Variants in PRKAR2A observed in about 807,000 individuals in gnomAD.
The protein encoded by PRKAR2A is protein kinase cAMP-dependent type II regulatory subunit alpha.
PRKAR2A carries 29 observed loss-of-function variants against 51.9 expected under a neutral mutation model. That is an observed-to-expected ratio of 0.56 (90% confidence interval 0.42 to 0.76). PRKAR2A has a LOEUF of 0.76. PRKAR2A is among the 30% of genes least tolerant of loss of function. PRKAR2A has a pLI of 0.00. For synonymous variants in PRKAR2A, 178 were observed against 186.2 expected (o/e 0.96, Z 0.36); for missense variants, 445 against 512.1 (o/e 0.87, Z 1.26).
downstream of PRKAR2A, among the ~76,000 whole-genome samples, chr3:48,745,686 G>A (rs969391444): frequency 2.6e-5 from 4 of 151,790 alleles, no homozygotes; most frequent in Non-Finnish European, 5.9e-5. Context: ...TTATAGGAAT[G>A]TGCCACCATA....
At chr3:48,782,363 A>G (rs898283330) in intron 5 of PRKAR2A, among the ~76,000 whole-genome samples, 1 of 152,192 alleles carries the variant, frequency 6.6e-6, no homozygotes, top group African/African-American at 2.4e-5. Context: ...TCAAGGAATC[A>G]ATTCACTTGA....
chr3:48,773,326 G>C lies in PRKAR2A; in HGVS notation c.543-218C>G, dbSNP rs546149549. Among the ~76,000 whole-genome samples the C allele has an allele frequency of 1.7e-3, 252 of 147,698 alleles. 9 individuals carry two copies. The South Asian group carries it at 0.053, about 31-fold the overall frequency. ...CTAGTAGCCTTTTTGTGGCATTCTT[G>C]GAATTTTCTTTTCTTTTTTTTTTTT... On this transcript the variant is annotated intron_variant, in intron 5 of 10. Coordinates refer to ENST00000265563, the MANE Select transcript of PRKAR2A (RefSeq NM_004157.4).
At chr3:48,795,400 C>T (rs570668797) in intron 2 of PRKAR2A, among the ~76,000 whole-genome samples, 23 of 152,196 alleles carry the variant, frequency 1.5e-4, no homozygotes, top group Middle Eastern at 3.4e-3. Context: ...ACCCATATAT[C>T]GGGGTGATAA....
chr3:48,757,880 GC>G (rs200966332), intron 8 of PRKAR2A, among the ~76,000 whole-genome samples: 2,476 of 151,926 alleles, frequency 0.016, 66 homozygotes, highest in African/African-American at 0.055. Flanking sequence ...ACATGGTGAA[GC>G]CCCATCTCTA....
At chr3:48,817,599 G>T (rs1414387078) in intron 1 of PRKAR2A, among the ~76,000 whole-genome samples, 2 of 151,166 alleles carry the variant, frequency 1.3e-5, no homozygotes, top group Non-Finnish European at 2.9e-5. Context: ...GTGAGCCAAG[G>T]TCGCACCATT....
At chr3:48,797,913 T>G (rs927218221) in intron 2 of PRKAR2A, among the ~76,000 whole-genome samples, 2 of 152,162 alleles carry the variant, frequency 1.3e-5, no homozygotes, top group African/African-American at 4.8e-5. Context: ...TCTTCCCTAA[T>G]GATTAAGGCA....
intron 9 of PRKAR2A, 84 bp downstream of exon 9, chr3:48,756,295 G>T: frequency 1.7e-6 from 2 of 1,173,376 alleles, no homozygotes; most frequent in Non-Finnish European, 1.3e-6. Context: ...ATGATGGTTT[G>T]GTGTATTCAA....
intron 1 of PRKAR2A, among the ~76,000 whole-genome samples, chr3:48,832,343 G>C (rs1013915238): frequency 3.3e-5 from 5 of 150,054 alleles, no homozygotes; most frequent in Admixed American, 3.3e-4. Flanking sequence ...CAAATTTCCA[G>C]GCAGCTATCT....
chr3:48,829,815 G>GTACATATACA (rs2083150783), intron 1 of PRKAR2A, among the ~76,000 whole-genome samples: 1 of 111,334 alleles, frequency 9.0e-6, no homozygotes, highest in Non-Finnish European at 1.8e-5. Context: ...ACATATATAT[G>GTACATATACA]TATGTATATA....
At chr3:48,826,986 G>A (rs1349626725) in intron 1 of PRKAR2A, among the ~76,000 whole-genome samples, 1 of 151,908 alleles carries the variant, frequency 6.6e-6, no homozygotes, top group African/African-American at 2.4e-5. Flanking sequence ...TCATTTTAGG[G>A]GCACTAAACT....
intron 1 of PRKAR2A, among the ~76,000 whole-genome samples, chr3:48,846,697 G>A (rs1575970347): frequency 6.6e-6 from 1 of 152,092 alleles, no homozygotes; most frequent in Non-Finnish European, 1.5e-5. Context: ...CAATCGTTTT[G>A]GCCAAGTTTT....
intron 2 of PRKAR2A, among the ~76,000 whole-genome samples, chr3:48,801,276 C>T (rs1260476913): frequency 6.6e-6 from 1 of 151,974 alleles, no homozygotes; most frequent in Non-Finnish European, 1.5e-5. Flanking sequence ...CCTCAGCCTC[C>T]CAGGTAGCTG....
At chr3:48,797,695 G>C (rs1001123049) in intron 2 of PRKAR2A, among the ~76,000 whole-genome samples, 1 of 152,112 alleles carries the variant, frequency 6.6e-6, no homozygotes, top group Non-Finnish European at 1.5e-5. Context: ...AGAAAAATTA[G>C]GGGGGATAGA....
chr3:48,776,140 A>C (rs778681591), intron 5 of PRKAR2A, among the ~76,000 whole-genome samples: 17 of 152,050 alleles, frequency 1.1e-4, no homozygotes, highest in Non-Finnish European at 2.4e-4. Flanking sequence ...AAACGATACA[A>C]TTATTTATCT....
Position 48,751,173 on chromosome 3 carries a change from A to G in PRKAR2A, c.*412T>C. ...TACATTTCCTCCTTTGAGAACCATT[A>G]GAGAGTGTCTACAGTTATACAACAG... On this transcript the variant is annotated 3_prime_UTR_variant, in exon 11 of 11. Coordinates refer to ENST00000265563, the MANE Select transcript of PRKAR2A (RefSeq NM_004157.4). The G allele has an allele frequency of 2.6e-6, 1 of 385,672 alleles. No individual in the cohort carries two copies. The highest frequency in any genetic ancestry group is 5.1e-6 in the Non-Finnish European group (1 of 195,410). The allele number at this position is 385,672 out of a possible 1,614,324, so 23.9% of individuals were successfully genotyped here.
chr3:48,773,222 C>A, intron 5 of PRKAR2A, 114 bp from the exon 6 acceptor site: 1 of 801,390 alleles, frequency 1.2e-6, no homozygotes, highest in Non-Finnish European at 1.9e-6. Context: ...TGGAACTTTG[C>A]TAGTATATAA....
chr3:48,778,693 T>A (rs1228502257), intron 5 of PRKAR2A, among the ~76,000 whole-genome samples: 3 of 151,384 alleles, frequency 2.0e-5, no homozygotes, highest in Non-Finnish European at 2.9e-5. Flanking sequence ...CTAATTTTTT[T>A]ATTTTTAGTA....
At chr3:48,815,659 C>T (rs1236879868) in intron 1 of PRKAR2A, among the ~76,000 whole-genome samples, 1 of 149,242 alleles carries the variant, frequency 6.7e-6, no homozygotes, top group Non-Finnish European at 1.5e-5. Flanking sequence ...CGCCACTGCA[C>T]TCCAGCCTGG....
At chr3:48,753,248 T>A (rs1044690174) in intron 9 of PRKAR2A, among the ~76,000 whole-genome samples, 2 of 151,558 alleles carry the variant, frequency 1.3e-5, no homozygotes, top group African/African-American at 4.8e-5. Flanking sequence ...AAGAGTTAAG[T>A]AACTAAATTT....
Sources: gnomAD v4.1 joint callset for allele counts (sites outside exome capture counted in the v4.1 genomes callset) on GRCh38, gnomAD v4.1.1 for gene constraint, MANE v1.5 for transcripts, NCBI Gene and HGNC (gene_info 2026-07-23, HGNC 2026-07-21) for gene names.